Variants in GIGYF2 observed in about 807,000 individuals in gnomAD.
GIGYF2 encodes GRB10-interacting GYF protein 2.
In GIGYF2, 25 loss-of-function variants were observed where a neutral mutation model predicts 208.1. The ratio of observed to expected loss-of-function variants is 0.12; its 90% CI spans 0.09 to 0.17. The LOEUF (loss-of-function observed/expected upper bound fraction) is 0.17, where lower values mean the gene tolerates loss of function less well. Among genes scored for constraint, GIGYF2 ranks in the 10% least tolerant of loss-of-function variants. GIGYF2 has a pLI of 1.00. For missense variants in GIGYF2, 1,302 were observed against 1,579.4 expected, an observed-to-expected ratio of 0.82 and a Z score of 2.98; for synonymous variants, 534 against 543.8, an observed-to-expected ratio of 0.98 and a Z score of 0.25.
intron 2 of GIGYF2, among the ~76,000 whole-genome samples, chr2:232,725,453 A>G (rs971846724): frequency 1.3e-5 from 2 of 152,192 alleles, no homozygotes; most frequent in African/African-American, 2.4e-5. Flanking sequence ...TCCTTATAAT[A>G]CAGGTTTGAC....
At chr2:232,825,690 G>A (rs1341125567) in intron 21 of GIGYF2, among the ~76,000 whole-genome samples, 1 of 152,116 alleles carries the variant, frequency 6.6e-6, no homozygotes, top group East Asian at 1.9e-4. Flanking sequence ...TAAAGCAGTG[G>A]CAGGGTTTGA....
At chr2:232,793,522 A>C (rs1700133771) in intron 12 of GIGYF2, among the ~76,000 whole-genome samples, 1 of 152,184 alleles carries the variant, frequency 6.6e-6, no homozygotes, top group South Asian at 2.1e-4. Flanking sequence ...AGAGGAGCAC[A>C]CTGGGGAGAG....
intron 22 of GIGYF2, among the ~76,000 whole-genome samples, chr2:232,835,071 T>C (rs963269370): frequency 2.0e-5 from 3 of 152,208 alleles, no homozygotes; most frequent in Non-Finnish European, 4.4e-5. Flanking sequence ...CCCCCACTTA[T>C]AAGTGAGAAC....
intron 2 of GIGYF2, among the ~76,000 whole-genome samples, chr2:232,720,583 A>ATATTTT (rs376956632): frequency 0.033 from 4,774 of 144,908 alleles, 137 homozygotes; most frequent in South Asian, 0.13. Flanking sequence ...ATATATATAT[A>ATATTTT]TTTTTGTTTG....
At chr2:232,800,325 T>C (rs1046261977) in intron 14 of GIGYF2, among the ~76,000 whole-genome samples, 1 of 152,212 alleles carries the variant, frequency 6.6e-6, no homozygotes, top group Admixed American at 6.5e-5. Context: ...AAGAATCCAA[T>C]TTCATTCTTT....
chr2:232,802,077 G>A (rs283465), intron 14 of GIGYF2, among the ~76,000 whole-genome samples: 112,904 of 152,138 alleles, frequency 0.74, 43,136 homozygotes, highest in East Asian at 0.99. Flanking sequence ...GTTCATTGTT[G>A]GTGTATAGAA....
chr2:232,851,520 A>G (rs989459068), intron 28 of GIGYF2, among the ~76,000 whole-genome samples: 1 of 151,982 alleles, frequency 6.6e-6, no homozygotes, highest in African/African-American at 2.4e-5. Context: ...CCCGGGTTCA[A>G]GCGATTCTCT....
At chr2:232,700,318 A>G (rs1695785625) in intron 1 of GIGYF2, among the ~76,000 whole-genome samples, 1 of 152,132 alleles carries the variant, frequency 6.6e-6, no homozygotes, top group East Asian at 1.9e-4. Flanking sequence ...ATATCAGCTC[A>G]TTTGTTTTCA....
intron 2 of GIGYF2, among the ~76,000 whole-genome samples, chr2:232,710,979 G>A (rs1183672951): frequency 1.3e-5 from 2 of 151,892 alleles, no homozygotes; most frequent in Admixed American, 6.6e-5. Context: ...GGGATTACAG[G>A]TGTGAACCAC....
chr2:232,783,503 G>A (rs1699789055), intron 8 of GIGYF2, among the ~76,000 whole-genome samples: 1 of 152,132 alleles, frequency 6.6e-6, no homozygotes, highest in Admixed American at 6.5e-5. Context: ...TGTGGAGAAT[G>A]AAGTAGCCTG....
intron 8 of GIGYF2, 95 bp downstream of exon 8, chr2:232,761,531 C>A: frequency 1.3e-6 from 1 of 743,710 alleles, no homozygotes; most frequent in Non-Finnish European, 2.4e-6. Flanking sequence ...GCATTTCCTG[C>A]ATTTAAACTT....
intron 4 of GIGYF2, among the ~76,000 whole-genome samples, chr2:232,748,253 C>G (rs1159041084): frequency 6.6e-6 from 1 of 152,106 alleles, no homozygotes; most frequent in Non-Finnish European, 1.5e-5. Context: ...TACTCACTGA[C>G]TAGTAAGAAA....
intron 15 of GIGYF2, among the ~76,000 whole-genome samples, chr2:232,809,180 T>G (rs1369648163): frequency 6.6e-6 from 1 of 152,164 alleles, no homozygotes; most frequent in Non-Finnish European, 1.5e-5. Flanking sequence ...CCTGACCTCA[T>G]GATCCGCCTG....
chr2:232,855,080 C>CTT (rs201395041), intron 28 of GIGYF2, among the ~76,000 whole-genome samples: 327 of 109,090 alleles, frequency 3.0e-3, no homozygotes, highest in South Asian at 5.9e-3. Flanking sequence ...CTTTTTCTTT[C>CTT]TTTTTTTTTT....
intron 8 of GIGYF2, chr2:232,782,784 T>G (rs1699762801): frequency 6.6e-6 from 1 of 152,150 alleles, no homozygotes; most frequent in African/African-American, 2.4e-5. Context: ...TAAATGAATA[T>G]TCCATTTTAT....
intron 22 of GIGYF2, among the ~76,000 whole-genome samples, chr2:232,833,494 C>T (rs1050623230): frequency 6.6e-6 from 1 of 152,192 alleles, no homozygotes; most frequent in Non-Finnish European, 1.5e-5. Flanking sequence ...AATATTAGTA[C>T]TTTGGTTTTT....
chr2:232,847,519 A>AGCT lies in GIGYF2; in HGVS notation c.3634_3635insTGC (p.Gln1211_Gln1212insLeu). 1 of 252,566 alleles carries AGCT rather than the reference A, an allele frequency of 4.0e-6. No individual in the cohort carries two copies. The highest frequency in any genetic ancestry group is 9.3e-4 in the Middle Eastern group (1 of 1,072). The allele number at this position is 252,566 out of a possible 1,614,324, so 15.6% of individuals were successfully genotyped here. ...CAGCGTCAGCAGCAGCAGCTGCCAC[A>AGCT]GCAGCAGCAGCAGCAGCCGCCACAG... On this transcript the variant is annotated inframe_insertion, in exon 27 of 29. Transcript: ENST00000373563.
chr2:232,722,607 C>G (rs754004013), intron 2 of GIGYF2: 5 of 152,120 alleles, frequency 3.3e-5, no homozygotes, highest in Admixed American at 1.3e-4. Context: ...TGGCACAGAA[C>G]AAGGATGTTG....
chr2:232,734,935 C>G (rs1244832399), intron 2 of GIGYF2, among the ~76,000 whole-genome samples: 1 of 152,104 alleles, frequency 6.6e-6, no homozygotes, highest in African/African-American at 2.4e-5. Flanking sequence ...CCTCCTTACC[C>G]CAGATTAACA....
Sources: allele counts gnomAD v4.1 joint callset (sites outside exome capture counted in the v4.1 genomes callset), GRCh38; gene constraint gnomAD v4.1.1; transcripts MANE v1.5; gene names NCBI Gene and HGNC (gene_info 2026-07-23, HGNC 2026-07-21).